MED12L: variants seen among roughly 807,000 people sequenced by gnomAD.
MED12L encodes mediator complex subunit 12L, also known as mediator of RNA polymerase II transcription subunit 12-like protein.
MED12L carries 60 observed loss-of-function variants against 281.3 expected under a neutral mutation model. That is an observed-to-expected ratio of 0.21 (90% CI 0.17 to 0.26). The LOEUF (loss-of-function observed/expected upper bound fraction) is 0.26. MED12L is among the 10% of genes least tolerant of loss of function. The probability of loss-of-function intolerance (pLI) is 1.00; values close to 1 mark genes in which losing one functional copy is unlikely to be tolerated. For synonymous variants in MED12L, 974 were observed against 987.2 expected (o/e 0.99, Z 0.25); for missense variants, 2,146 against 2,680.9 (o/e 0.80, Z 4.41).
At chr3:151,220,357 GA>G (rs1230267075) in intron 16 of MED12L, among the ~76,000 whole-genome samples, 1 of 152,018 alleles carries the variant, frequency 6.6e-6, no homozygotes, top group African/African-American at 2.4e-5. Flanking sequence ...TCATATTTCT[GA>G]ATTCTTTAAA....
At chr3:151,365,446 A>G (rs1755157518) in intron 22 of MED12L, among the ~76,000 whole-genome samples, 1 of 152,228 alleles carries the variant, frequency 6.6e-6, no homozygotes, top group Admixed American at 6.5e-5. Context: ...CAACAATTAC[A>G]TGATTTATTT....
chr3:151,376,909 A>G (rs1490750474), intron 29 of MED12L, 35 bp downstream of exon 29: 21 of 1,612,408 alleles, frequency 1.3e-5, no homozygotes, highest in Admixed American at 1.7e-5. Flanking sequence ...TCTGTATGAA[A>G]TTTTATAAAA....
At chr3:151,170,431 A>G (rs1180202532) in intron 11 of MED12L, among the ~76,000 whole-genome samples, 2 of 151,758 alleles carry the variant, frequency 1.3e-5, no homozygotes, top group African/African-American at 2.4e-5. Context: ...GCCTGCCACC[A>G]TGCCCGGCTA....
intron 16 of MED12L, among the ~76,000 whole-genome samples, chr3:151,205,713 T>G (rs1726253401): frequency 6.6e-6 from 1 of 152,156 alleles, no homozygotes; most frequent in Non-Finnish European, 1.5e-5. Flanking sequence ...TAAGGCCCAC[T>G]CAAGCCTGCA....
chr3:151,111,289 G>T (rs1301004392), intron 2 of MED12L, among the ~76,000 whole-genome samples: 1 of 152,240 alleles, frequency 6.6e-6, no homozygotes, highest in Non-Finnish European at 1.5e-5. Flanking sequence ...TGGTTTGATG[G>T]TTGGGAGCAT....
At chr3:151,362,399 T>A (rs1754721299) in intron 21 of MED12L, among the ~76,000 whole-genome samples, 1 of 152,052 alleles carries the variant, frequency 6.6e-6, no homozygotes, top group Non-Finnish European at 1.5e-5. Context: ...TCTTTACTGA[T>A]CAAACACTCT....
chr3:151,246,035 A>G (rs1456332265), intron 16 of MED12L, among the ~76,000 whole-genome samples: 2 of 151,348 alleles, frequency 1.3e-5, no homozygotes, highest in African/African-American at 4.8e-5. Context: ...TTCAAAGAGA[A>G]TAAAATACCT....
At chr3:151,411,745 T>A (rs1716959878) in intron 41 of MED12L, among the ~76,000 whole-genome samples, 1 of 152,230 alleles carries the variant, frequency 6.6e-6, no homozygotes, top group Non-Finnish European at 1.5e-5. Context: ...TTCCAAGACA[T>A]GAGTGTAACA....
chr3:151,153,523 A>G (rs1172798343), intron 5 of MED12L, among the ~76,000 whole-genome samples: 2 of 143,532 alleles, frequency 1.4e-5, no homozygotes, highest in Non-Finnish European at 3.1e-5. Flanking sequence ...CCGCCCCTTC[A>G]TCTTCAGTAT....
At chr3:151,299,177 A>G (rs1351395904) in intron 16 of MED12L, among the ~76,000 whole-genome samples, 1 of 152,148 alleles carries the variant, frequency 6.6e-6, no homozygotes, top group Non-Finnish European at 1.5e-5. Context: ...AAGCTACATC[A>G]TTGTTCACTG....
At chr3:151,104,385 C>T (rs1721754460) in intron 2 of MED12L, among the ~76,000 whole-genome samples, 1 of 152,158 alleles carries the variant, frequency 6.6e-6, no homozygotes, top group South Asian at 2.1e-4. Flanking sequence ...CCCCAGCCTC[C>T]TTTAAAAAAC....
At chr3:151,392,467 G>GAAAAAAAAAAAAAA (rs200781609) in intron 38 of MED12L, among the ~76,000 whole-genome samples, 2 of 95,860 alleles carry the variant, frequency 2.1e-5, no homozygotes, top group African/African-American at 9.7e-5. Context: ...TCCATCTCAA[G>GAAAAAAAAAAAAAA]AAAAAAAAAA....
intron 24 of MED12L, among the ~76,000 whole-genome samples, 170 bp from the exon 25 acceptor site, chr3:151,367,980 G>C (rs180824321): frequency 2.6e-4 from 40 of 152,252 alleles, no homozygotes; most frequent in Middle Eastern, 6.8e-3. Context: ...GTTACAGTCT[G>C]TTTTAAGGAA....
intron 16 of MED12L, among the ~76,000 whole-genome samples, chr3:151,284,949 C>T (rs763092838): frequency 6.6e-6 from 1 of 152,108 alleles, no homozygotes; most frequent in African/African-American, 2.4e-5. Context: ...ATTTAAGGAA[C>T]AGCTGTGCTG....
intron 16 of MED12L, among the ~76,000 whole-genome samples, chr3:151,271,408 T>A (rs939805347): frequency 2.0e-5 from 3 of 152,226 alleles, no homozygotes; most frequent in Non-Finnish European, 4.4e-5. Context: ...TTTTTGGTTA[T>A]AGTGTAAAAT....
rs780791976 is a variant in MED12L at position 151,156,334 on chromosome 3, A to G, written c.726+4A>G. ...GCTAGCATTTCACATGTTCCAGGTAACCTTTTGAAGACATGCAGAGTTGTG... is the reference window on the plus strand; with the variant it reads ...GCTAGCATTTCACATGTTCCAGGTAGCCTTTTGAAGACATGCAGAGTTGTG... On this transcript the variant is annotated splice_donor_region_variant and intron_variant, in intron 6 of 44. Coordinates refer to ENST00000687756, the MANE Select transcript of MED12L (RefSeq NM_001393769.1). 2 of 1,601,296 alleles carry G rather than the reference A, an allele frequency of 1.2e-6. No homozygotes were observed. Among genetic ancestry groups the G allele is most frequent in the Admixed American group, 3.5e-5 (2 of 57,376 alleles).
intron 18 of MED12L, 72 bp from the exon 19 acceptor site, chr3:151,355,824 A>G: frequency 7.3e-7 from 1 of 1,377,686 alleles, no homozygotes; most frequent in Non-Finnish European, 9.8e-7. Context: ...CTTAAAAAGT[A>G]AAAATGATTT....
At chr3:151,238,293 C>G (rs1339344597) in intron 16 of MED12L, among the ~76,000 whole-genome samples, 1 of 152,166 alleles carries the variant, frequency 6.6e-6, no homozygotes, top group Admixed American at 6.5e-5. Context: ...ACTACAGGCA[C>G]CTGCCACCTT....
At chr3:151,174,401 T>G (rs1413229437) in intron 11 of MED12L, among the ~76,000 whole-genome samples, 1 of 152,358 alleles carries the variant, frequency 6.6e-6, no homozygotes, top group Middle Eastern at 3.4e-3. Context: ...AATCATTTTT[T>G]GTTAAAGTGC....
Sources: gnomAD v4.1 joint callset for allele counts (sites outside exome capture counted in the v4.1 genomes callset) on GRCh38, gnomAD v4.1.1 for gene constraint, MANE v1.5 for transcripts, NCBI Gene and HGNC (gene_info 2026-07-23, HGNC 2026-07-21) for gene names.